F13A1: variants seen among roughly 807,000 people sequenced by gnomAD.
F13A1 encodes the protein FSF, A subunit.
In F13A1, 47 loss-of-function variants were observed where a neutral mutation model predicts 80.1. The ratio of observed to expected loss-of-function variants is 0.59; its 90% CI spans 0.46 to 0.75. The LOEUF is 0.75. Ranked by LOEUF, F13A1 falls within the 30% of genes least tolerant of loss-of-function variation. The pLI, the probability that F13A1 is intolerant of heterozygous loss-of-function variation, is 0.00. For synonymous variants in F13A1, 349 were observed against 344.9 expected, an observed-to-expected ratio of 1.01 and a Z score of -0.13; for missense variants, 817 against 930.4, an observed-to-expected ratio of 0.88 and a Z score of 1.59.
intron 13 of F13A1, among the ~76,000 whole-genome samples, chr6:6,155,562 T>G (rs1760457321): frequency 6.6e-6 from 1 of 151,608 alleles, no homozygotes; most frequent in African/African-American, 2.4e-5. Flanking sequence ...GCACCGAGAA[T>G]GTAAACTTCC....
chr6:6,189,705 G>T, intron 10 of F13A1, among the ~76,000 whole-genome samples: 1 of 145,518 alleles, frequency 6.9e-6, no homozygotes, highest in Non-Finnish European at 1.5e-5. Flanking sequence ...ATGTGTCTTG[G>T]AGTTGCTCTT....
chr6:6,192,760 T>C (rs575519103), intron 10 of F13A1, among the ~76,000 whole-genome samples: 11 of 152,272 alleles, frequency 7.2e-5, no homozygotes, highest in African/African-American at 2.6e-4. Flanking sequence ...TTATTGCTCC[T>C]GTCAAAATCA....
chr6:6,210,328 T>TATATATATATATATAC (rs1761582428), intron 8 of F13A1, among the ~76,000 whole-genome samples: 1 of 117,686 alleles, frequency 8.5e-6, no homozygotes, highest in African/African-American at 3.9e-5. Context: ...GCATGTGATA[T>TATATATATATATATAC]ATATATATAT....
intron 10 of F13A1, among the ~76,000 whole-genome samples, chr6:6,192,987 AC>A (rs1489792140): frequency 6.6e-6 from 1 of 152,192 alleles, no homozygotes; most frequent in African/African-American, 2.4e-5. Context: ...GACGCTTAGA[AC>A]AGCTCTCATC....
At position 6,183,587 on chromosome 6, in the gene F13A1, A is replaced by G. The variant is rs180823027; in HGVS notation, c.1306-1446T>C. On this transcript the variant is annotated intron_variant, in intron 10 of 14. Transcript: ENST00000264870. ...CATTATATTTTACAAAAAGTCTCAC[A>G]TAATTCTGTTAGATAGTCAGGCTTG... Among the ~76,000 whole-genome samples, 602 of 152,352 alleles carry G rather than the reference A, an allele frequency of 4.0e-3. 2 individuals are homozygous for G. Among genetic ancestry groups the G allele is most frequent in the African/African-American group, 0.014 (578 of 41,584 alleles).
Position 6,251,499 on chromosome 6 carries a change from C to T in F13A1, c.572-570G>A, listed in dbSNP as rs3024364. ...TGTGTGTCCAACCAGCTTCCCTGGC[C>T]AGTGTCTTTCATTGCAAGGACTTTT... On this transcript the variant is annotated intron_variant, in intron 4 of 14. Transcript: ENST00000264870. 1.2e-3 allele frequency among the ~76,000 whole-genome samples: 189 copies of T among 152,240 alleles called. 1 individual carries two copies. Among genetic ancestry groups the T allele is most frequent in the African/African-American group, 4.1e-3 (170 of 41,532 alleles).
In F13A1 at chr6:6,206,397, A is replaced by T. The variant is rs141708497; in HGVS notation, c.1113-9071T>A. ...TTATGATTAACCAGAACATGATTCC[A>T]TTGCCATATGGAGTGTTTTCTATGT... On this transcript the variant is annotated intron_variant, in intron 8 of 14. Coordinates refer to ENST00000264870, the MANE Select transcript of F13A1 (RefSeq NM_000129.4). 685 of 454,582 alleles carry T rather than the reference A, an allele frequency of 1.5e-3. 2 individuals are homozygous for T. The highest frequency in any genetic ancestry group is 8.9e-3 in the African/African-American group (446 of 49,898). 28.2% of individuals were successfully genotyped at this position (454,582 alleles called of 1,614,324 possible).
intron 13 of F13A1, among the ~76,000 whole-genome samples, chr6:6,153,010 T>C (rs775640898): frequency 2.0e-5 from 3 of 152,220 alleles, no homozygotes; most frequent in Non-Finnish European, 4.4e-5. Flanking sequence ...TGCATTACAG[T>C]TGATGCTTTT....
intron 13 of F13A1, among the ~76,000 whole-genome samples, chr6:6,160,976 A>G (rs2151070960): frequency 6.6e-6 from 1 of 152,240 alleles, no homozygotes; most frequent in Middle Eastern, 3.4e-3. Context: ...CACATGAGAA[A>G]ATTAGTTCTA....
intron 6 of F13A1, among the ~76,000 whole-genome samples, chr6:6,244,011 A>C (rs1202586704): frequency 1.3e-5 from 2 of 152,194 alleles, no homozygotes; most frequent in Admixed American, 6.5e-5. Context: ...CGCCGCAGTA[A>C]TGCCAGGTGG....
rs1199737288 is a variant in F13A1, at chr6:6,243,189, CCCACCACCATCACTCCTACCATCA to C, written c.798+5099_798+5122del. Reference sequence around the variant, plus strand: ...CATCACCACCACTACCACCATCACTCCCACCACCATCACTCCTACCATCACCACCACCATCACCGTCACCATCTC... The same window carrying C: ...CATCACCACCACTACCACCATCACTCCCACCACCATCACCGTCACCATCTC... On this transcript the variant is annotated intron_variant, in intron 6 of 14. Coordinates refer to ENST00000264870, the MANE Select transcript of F13A1 (RefSeq NM_000129.4). This position sits in a 1 kb window ranked among gnomAD's most constrained non-coding sequence, Gnocchi z 4.2. 2.7e-5 allele frequency among the ~76,000 whole-genome samples: 4 copies of C among 150,020 alleles called. No individual in the cohort carries two copies. The highest frequency in any genetic ancestry group is 2.1e-4 in the South Asian group (1 of 4,706).
chr6:6,201,396 G>T (rs1269279633), intron 8 of F13A1, among the ~76,000 whole-genome samples: 1 of 152,208 alleles, frequency 6.6e-6, no homozygotes, highest in African/African-American at 2.4e-5. Flanking sequence ...CAGTGGGTGA[G>T]GTGGGGAGGA....
intron 3 of F13A1, among the ~76,000 whole-genome samples, chr6:6,299,204 G>A (rs1363998024): frequency 7.7e-6 from 1 of 130,242 alleles, no homozygotes; most frequent in African/African-American, 3.6e-5. Flanking sequence ...TTTCAACTTT[G>A]GTGAATCTGA....
chr6:6,286,075 G>A (rs750927781), intron 3 of F13A1, among the ~76,000 whole-genome samples: 10 of 152,264 alleles, frequency 6.6e-5, no homozygotes, highest in East Asian at 1.9e-4. Context: ...GAGTAGGGAC[G>A]CAAGACCCCA....
intron 3 of F13A1, among the ~76,000 whole-genome samples, chr6:6,299,627 G>C (rs1311352770): frequency 7.2e-6 from 1 of 139,204 alleles, no homozygotes; most frequent in Non-Finnish European, 1.5e-5. Flanking sequence ...TCTCTGTATT[G>C]GTTATTCTAG....
chr6:6,203,433 C>G (rs1452669704), intron 8 of F13A1, among the ~76,000 whole-genome samples: 3 of 152,150 alleles, frequency 2.0e-5, no homozygotes, highest in Non-Finnish European at 2.9e-5. Context: ...ATCAGATGAG[C>G]CTTTTAAGTC....
chr6:6,288,561 A>G (rs1758169648), intron 3 of F13A1, among the ~76,000 whole-genome samples: 1 of 152,016 alleles, frequency 6.6e-6, no homozygotes, highest in Non-Finnish European at 1.5e-5. Flanking sequence ...TTCTTTATCC[A>G]TTGGTTAGGT....
chr6:6,304,723 C>T (rs1229121594), intron 3 of F13A1, among the ~76,000 whole-genome samples: 1 of 151,862 alleles, frequency 6.6e-6, no homozygotes, highest in Non-Finnish European at 1.5e-5. Context: ...ATTAGCTGGG[C>T]GTAATGGTGT....
intron 8 of F13A1, among the ~76,000 whole-genome samples, chr6:6,202,552 C>A (rs1027901199): frequency 6.6e-6 from 1 of 152,098 alleles, no homozygotes; most frequent in Non-Finnish European, 1.5e-5. Context: ...GTTCTCGGAG[C>A]CTTCATTTGA....
Sources: allele counts gnomAD v4.1 joint callset (sites outside exome capture counted in the v4.1 genomes callset), GRCh38; gene constraint gnomAD v4.1.1; non-coding constraint Gnocchi (gnomAD v3.1); transcripts MANE v1.5; gene names NCBI Gene and HGNC (gene_info 2026-07-23, HGNC 2026-07-21).